The following GFRA3 variants were observed in gnomAD, a reference collection of about 807,000 sequenced individuals.
GFRA3 encodes GDNF family receptor alpha 3, also known as GDNF family receptor alpha-3.
Under a neutral mutation model 40.0 loss-of-function variants are expected in GFRA3, and 24 were observed. The observed-to-expected ratio is 0.60, with a 90% CI of 0.43 to 0.84. The LOEUF (loss-of-function observed/expected upper bound fraction) is 0.84. Ranked by LOEUF, GFRA3 falls within the 40% of genes least tolerant of loss-of-function variation. The pLI, the probability that GFRA3 is intolerant of heterozygous loss-of-function variation, is 0.00. For synonymous variants in GFRA3, 203 were observed against 213.5 expected (o/e 0.95, Z 0.43); for missense variants, 405 against 530.6 (o/e 0.76, Z 2.33).
At chr5:138,271,892 G>GTTTTTTTTTTTTTTTT (rs772736464) in intron 1 of GFRA3, among the ~76,000 whole-genome samples, 2 of 59,698 alleles carry the variant, frequency 3.4e-5, no homozygotes, top group Non-Finnish European at 5.7e-5. Context: ...TTTCTTTTCT[G>GTTTTTTTTTTTTTTTT]TTTTTTTTTT....
At chr5:138,258,478 G>A (rs561084648) in intron 3 of GFRA3, among the ~76,000 whole-genome samples, 16 of 151,958 alleles carry the variant, frequency 1.1e-4, no homozygotes, top group Admixed American at 3.3e-4. Context: ...CGCCGCGCCC[G>A]GCACAACTCC....
chr5:138,266,917 A>G (rs1372957623), intron 1 of GFRA3: 2 of 151,916 alleles, frequency 1.3e-5, no homozygotes, highest in Non-Finnish European at 2.9e-5. Context: ...CCTAACCTCA[A>G]GTGATCCACC....
intron 7 of GFRA3, 41 bp downstream of exon 7, chr5:138,253,246 G>T (rs1755574876): frequency 7.4e-7 from 1 of 1,342,458 alleles, no homozygotes. Context: ...TCCCCAGCCG[G>T]CCCAGTAAAG....
intron 1 of GFRA3, among the ~76,000 whole-genome samples, chr5:138,271,903 T>TGTGTGTGTGTGTG (rs1452490281): frequency 6.3e-5 from 6 of 94,948 alleles, no homozygotes; most frequent in Admixed American, 3.7e-4. Context: ...TTTTTTTTTT[T>TGTGTGTGTGTGTG]TTTTTTTTTT....
Position 138,253,007 on chromosome 5 carries a change from G to C in GFRA3, c.1164C>G (p.Ser388=). The C allele has an allele frequency of 6.2e-7, 1 of 1,610,242 alleles. No homozygotes were observed. The highest frequency in any genetic ancestry group is 8.5e-7 in the Non-Finnish European group (1 of 1,176,712). ...RPQPWVPSLF[S]CTLPLILLLS... ...GGAGCAGAATCAAGGGAAGCGTGCA[G>C]GAGAAAAGAGAGGGCACCCAGGGCT... Residue 388 remains serine, a synonymous_variant, in exon 8 of 8, where the codon TCC becomes TCG. Transcript: ENST00000274721.
intron 2 of GFRA3, among the ~76,000 whole-genome samples, chr5:138,263,938 TAAGA>T (rs1175791105): frequency 8.5e-5 from 13 of 152,170 alleles, no homozygotes; most frequent in Non-Finnish European, 1.6e-4. Context: ...GTTTATGGGT[TAAGA>T]CTTTTTTCTC....
chr5:138,254,155 C>T lies in GFRA3; in HGVS notation c.791G>A (p.Arg264His), dbSNP rs1405304751. The T allele has an allele frequency of 7.1e-6, 11 of 1,552,814 alleles. No individual in the cohort carries two copies. Among genetic ancestry groups the T allele is most frequent in the African/African-American group, 1.4e-5 (1 of 73,208 alleles). The change falls in exon 5 of 8, where the codon CGC becomes CAC. Residue 264 changes from arginine (R) to histidine (H), a missense_variant. Physicochemically the swap from Arg to His is conservative, Grantham distance 29. Transcript: ENST00000274721. ...GCAGTGGGTCTGGAAATCCACCAGG[C>T]GTGATCTGGAAGAAGGGAAATTTCT... Reference protein sequence around the residue: ...LCFSDPLCRSRLVDFQTHCHP... With the variant: ...LCFSDPLCRSHLVDFQTHCHP...
chr5:138,255,519 T>A (rs1272794580), intron 4 of GFRA3, among the ~76,000 whole-genome samples: 1 of 152,204 alleles, frequency 6.6e-6, no homozygotes. Flanking sequence ...TCAAATACCT[T>A]ACCAATCTCC....
At position 138,274,356 on chromosome 5, in the gene GFRA3, C is replaced by T; in HGVS notation, c.69G>A (p.Pro23=). ...VVLMLLLLLP[P]SPLPLAAGDP... is the part of the protein sequence containing the mutation. ...CACCGGCTGCGAGAGGCAGCGGCGA[C>T]GGCGGCAGCAGCAGCAGCAACATCA... The change falls in exon 1 of 8, where the codon CCG becomes CCA. Residue 23 remains proline, a synonymous_variant. Transcript: ENST00000274721. The T allele has an allele frequency of 2.2e-6, 3 of 1,338,154 alleles. No homozygotes were observed. The highest frequency in any genetic ancestry group is 3.1e-5 in the Admixed American group (1 of 32,636). The allele number at this position is 1,338,154 out of a possible 1,614,324, so 82.9% of individuals were successfully genotyped here.
chr5:138,259,501 C>A lies in GFRA3; in HGVS notation c.472+56G>T. On this transcript the variant is annotated intron_variant, in intron 3 of 7. Transcript: ENST00000274721. ...CAACTTCTGCCCCTCCCCAGCCACC[C>A]TTCCTCCAGGGTCCAGCCCCAGCCT... 7 of 824,312 alleles carry A rather than the reference C, an allele frequency of 8.5e-6. No individual in the cohort carries two copies. In the South Asian group the frequency reaches 9.3e-5, roughly 11 times the overall value. The allele number at this position is 824,312 out of a possible 1,614,324, so 51.1% of individuals were successfully genotyped here. A position where few individuals can be genotyped will look rare whatever the true frequency, so the allele number is the denominator to read the frequency against.
At chr5:138,266,826 C>T (rs1383903033) in intron 1 of GFRA3, among the ~76,000 whole-genome samples, 3 of 151,842 alleles carry the variant, frequency 2.0e-5, no homozygotes, top group Admixed American at 2.0e-4. Context: ...GGACTACAGG[C>T]ACCCGCCACA....
chr5:138,265,258 C>G (rs908832899), intron 1 of GFRA3, among the ~76,000 whole-genome samples: 33 of 146,484 alleles, frequency 2.3e-4, no homozygotes, highest in Admixed American at 2.0e-3. Flanking sequence ...CTCTTGTTAC[C>G]CAGGTTGGAG....
chr5:138,264,537 G>C lies in GFRA3; in HGVS notation c.103C>G (p.Pro35Ala), dbSNP rs771900241. 6.2e-6 allele frequency: 10 copies of C among 1,604,174 alleles called. No homozygotes were observed. In the Middle Eastern group the frequency reaches 5.0e-4, roughly 80 times the overall value. The change falls in exon 2 of 8, where the codon CCC becomes GCC. Residue 35 changes from proline to alanine, a missense_variant. Pro to Ala is a conservative substitution (Grantham distance 27). Coordinates refer to ENST00000274721, the MANE Select transcript of GFRA3 (RefSeq NM_001496.4). The stretch of plus-strand genomic sequence containing the variant: ...CTGTTCATGAGTCGGCTTTCTGTGG[G>C]AAGGGGGTCTCCTGTAAAGGGAGAT... Reference protein sequence around the residue: ...PLPLAAGDPLPTESRLMNSCL... With the variant: ...PLPLAAGDPLATESRLMNSCL...
intron 1 of GFRA3, among the ~76,000 whole-genome samples, chr5:138,272,367 C>T (rs12055045): frequency 0.25 from 37,692 of 148,966 alleles, 5,244 homozygotes; most frequent in East Asian, 0.61. Flanking sequence ...AGGCCGGGTG[C>T]GGTGGCGCAC....
intron 2 of GFRA3, among the ~76,000 whole-genome samples, chr5:138,263,516 T>C (rs1755739900): frequency 6.6e-6 from 1 of 152,194 alleles, no homozygotes; most frequent in South Asian, 2.1e-4. Flanking sequence ...ACTTGCTCTC[T>C]CAATGAAATG....
intron 2 of GFRA3, among the ~76,000 whole-genome samples, chr5:138,263,283 C>A (rs999794832): frequency 6.6e-6 from 1 of 152,070 alleles, no homozygotes; most frequent in East Asian, 1.9e-4. Context: ...CAGGTTTGAA[C>A]AGAGCTTTTA....
intron 5 of GFRA3, 29 bp downstream of exon 5, chr5:138,254,027 AG>A: frequency 1.3e-6 from 2 of 1,560,496 alleles, no homozygotes; most frequent in Non-Finnish European, 1.8e-6. Flanking sequence ...TAGCCAACAT[AG>A]GGTTCCCTAC....
rs61407779 is a variant in GFRA3 at position 138,271,911 on chromosome 5, T to TGTGTG, written c.91+2422_91+2423insCACAC. Among the ~76,000 whole-genome samples, 468 of 95,122 alleles carry TGTGTG rather than the reference T, an allele frequency of 4.9e-3. 3 individuals carry two copies. Among genetic ancestry groups the TGTGTG allele is most frequent in the Non-Finnish European group, 8.5e-3 (390 of 45,682 alleles). The allele number at this position is 95,122 out of a possible 152,430, so 62.4% of individuals were successfully genotyped here. A position where few individuals can be genotyped will look rare whatever the true frequency, so the allele number is the denominator to read the frequency against. ...TTTTCTGTTTTTTTTTTTTTTTTTT[T>TGTGTG]TTTGTGTGTGTGTGTGTGTGTGTGT... is the stretch of plus-strand genomic sequence containing the variant. On this transcript the variant is annotated intron_variant, in intron 1 of 7. Coordinates refer to ENST00000274721, the MANE Select transcript of GFRA3 (RefSeq NM_001496.4).
At chr5:138,268,343 ATTGG>A (rs1755818209) in intron 1 of GFRA3, among the ~76,000 whole-genome samples, 1 of 150,608 alleles carries the variant, frequency 6.6e-6, no homozygotes, top group Non-Finnish European at 1.5e-5. Context: ...AGAAGATAAC[ATTGG>A]AAAAATCCTT....
Sources: gnomAD v4.1 joint callset for allele counts (sites outside exome capture counted in the v4.1 genomes callset) on GRCh38, gnomAD v4.1.1 for gene constraint, MANE v1.5 for transcripts, NCBI Gene and HGNC (gene_info 2026-07-23, HGNC 2026-07-21) for gene names.